The following GALNT17 variants were observed in gnomAD, a reference collection of about 807,000 sequenced individuals.
GALNT17 encodes polypeptide N-acetylgalactosaminyltransferase 17, also known as UDP-GalNAc:polypeptide N-acetylgalactosaminyltransferase-like 3.
A neutral mutation model predicts 63.7 loss-of-function variants in GALNT17; 29 were observed. That is an observed-to-expected ratio of 0.46 (90% CI 0.34 to 0.62). The LOEUF is 0.62. Among genes scored for constraint, GALNT17 ranks in the 20% least tolerant of loss-of-function variants. The pLI, the probability that GALNT17 is intolerant of heterozygous loss-of-function variation, is 0.01. For synonymous variants in GALNT17, 305 were observed against 318.3 expected (o/e 0.96, Z 0.45); for missense variants, 603 against 799.6 (o/e 0.75, Z 2.97).
chr7:71,637,483 C>T (rs796596353), intron 6 of GALNT17, among the ~76,000 whole-genome samples: 128 of 142,060 alleles, frequency 9.0e-4, no homozygotes, highest in African/African-American at 3.3e-3. Flanking sequence ...GCCACCGCAC[C>T]TGGCCATTTT....
At position 71,650,909 on chromosome 7, in the gene GALNT17, C is replaced by G. The variant is rs369355871; in HGVS notation, c.1081-14502C>G. On this transcript the variant is annotated intron_variant, in intron 6 of 10. Transcript: ENST00000333538. ...ATGAGCCTGGCAGTGACATCCATGT[C>G]TAAATTATCTTTATACCCCTGGCAG... 2.6e-5 allele frequency among the ~76,000 whole-genome samples: 4 copies of G among 152,250 alleles called. No homozygotes were observed. In the East Asian group the frequency reaches 5.8e-4, roughly 22 times the overall value.
chr7:71,398,853 T>C (rs376973391), intron 3 of GALNT17, among the ~76,000 whole-genome samples: 1 of 152,208 alleles, frequency 6.6e-6, no homozygotes, highest in East Asian at 1.9e-4. Flanking sequence ...ATTTTATCAG[T>C]TTTTAAAAAG....
chr7:71,170,607 A>G (rs948348856), intron 1 of GALNT17, among the ~76,000 whole-genome samples: 1 of 152,158 alleles, frequency 6.6e-6, no homozygotes, highest in African/African-American at 2.4e-5. Context: ...AAGTGCTGGG[A>G]TTACAGGCAT....
At chr7:71,509,114 A>T (rs908114628) in intron 5 of GALNT17, among the ~76,000 whole-genome samples, 1 of 152,210 alleles carries the variant, frequency 6.6e-6, no homozygotes, top group African/African-American at 2.4e-5. Flanking sequence ...CATTCAGTAG[A>T]ATCCGTACTT....
intron 5 of GALNT17, among the ~76,000 whole-genome samples, chr7:71,446,933 G>C (rs1328781642): frequency 6.6e-6 from 1 of 152,138 alleles, no homozygotes; most frequent in African/African-American, 2.4e-5. Context: ...TGAGATGTGG[G>C]CATTACTTCT....
In GALNT17 at chr7:71,420,959, C is replaced by T. The variant is rs756339180; in HGVS notation, c.816C>T (p.Leu272=). ...RIQENRKRVI[L]PSIDNIKQDN... ...AGGAAAACCGGAAGCGTGTGATCCT[C>T]CCCTCCATTGACAACATCAAACAGG... The change falls in exon 5 of 11, where the codon CTC becomes CTT. Residue 272 remains leucine, a synonymous_variant. Coordinates refer to ENST00000333538, the MANE Select transcript of GALNT17 (RefSeq NM_022479.3). 2.5e-6 allele frequency: 4 copies of T among 1,614,146 alleles called. No homozygotes were observed. In the South Asian group the frequency reaches 4.4e-5, roughly 18 times the overall value.
At chr7:71,471,423 A>C (rs958023903) in intron 5 of GALNT17, among the ~76,000 whole-genome samples, 5 of 124,226 alleles carry the variant, frequency 4.0e-5, no homozygotes, top group Admixed American at 8.3e-5. Flanking sequence ...AACAAAAAAA[A>C]CCAAAAACCA....
At chr7:71,568,950 C>T (rs1019751924) in intron 5 of GALNT17, among the ~76,000 whole-genome samples, 1 of 152,076 alleles carries the variant, frequency 6.6e-6, no homozygotes, top group Non-Finnish European at 1.5e-5. Context: ...GGTATTGTCT[C>T]ACATGATTTA....
chr7:71,307,391 C>G (rs77067675), intron 1 of GALNT17, among the ~76,000 whole-genome samples: 7,183 of 151,972 alleles, frequency 0.047, 325 homozygotes, highest in East Asian at 0.12. Context: ...ACGTTTTACC[C>G]TGCTGGGTAT....
chr7:71,621,504 T>TGGATGGAA (rs1790290107), intron 6 of GALNT17, among the ~76,000 whole-genome samples: 1 of 98,752 alleles, frequency 1.0e-5, no homozygotes, highest in East Asian at 3.0e-4. Flanking sequence ...GATGGATAGA[T>TGGATGGAA]GGATGGATGG....
At chr7:71,665,649 T>G in intron 7 of GALNT17, 53 bp downstream of exon 7, 1 of 1,541,016 alleles carries the variant, frequency 6.5e-7, no homozygotes, top group Non-Finnish European at 8.7e-7. Context: ...CCTTACTGTT[T>G]GATCACTATT....
At chr7:71,232,368 G>T (rs1222622134) in intron 1 of GALNT17, among the ~76,000 whole-genome samples, 2 of 152,098 alleles carry the variant, frequency 1.3e-5, no homozygotes, top group Non-Finnish European at 2.9e-5. Context: ...CAGTGGGGGT[G>T]GTGCAGCCTT....
intron 9 of GALNT17, among the ~76,000 whole-genome samples, chr7:71,702,989 C>A (rs1170829819): frequency 6.6e-6 from 1 of 152,042 alleles, no homozygotes; most frequent in Non-Finnish European, 1.5e-5. Context: ...AGTGGTATGT[C>A]AAGTAGGGAG....
chr7:71,321,943 C>CCCTCCCTCCCTCCCTCCCTT (rs1554353238), intron 1 of GALNT17, among the ~76,000 whole-genome samples: 2 of 47,636 alleles, frequency 4.2e-5, no homozygotes, highest in Non-Finnish European at 8.2e-5. Context: ...CTCCCTCCCT[C>CCCTCCCTCCCTCCCTCCCTT]CCTTCCTTCC....
chr7:71,349,649 A>C (rs559224252), intron 2 of GALNT17, among the ~76,000 whole-genome samples: 3 of 147,374 alleles, frequency 2.0e-5, no homozygotes, highest in Admixed American at 6.8e-5. Context: ...TGAATAAATA[A>C]ATACGAAATT....
At chr7:71,350,202 C>A (rs17464549) in intron 2 of GALNT17, among the ~76,000 whole-genome samples, 2,168 of 152,112 alleles carry the variant, frequency 0.014, 27 homozygotes, top group Middle Eastern at 0.027. Flanking sequence ...TGTAGAAAGC[C>A]ATGCACAGGT....
chr7:71,514,104 A>T lies in GALNT17; in HGVS notation c.963-57181A>T, dbSNP rs1337001886. ...TAGCAATTCAGGAGGCTGAAGCAGG[A>T]GGATTGCTTGAGCCCAGGAGGTCAA... On this transcript the variant is annotated intron_variant, in intron 5 of 10. Transcript: ENST00000333538. Among the ~76,000 whole-genome samples the T allele has an allele frequency of 3.3e-5, 5 of 152,200 alleles. No homozygotes were observed. The East Asian group carries it at 9.6e-4, about 29-fold the overall frequency.
At chr7:71,288,645 G>T (rs1161119339) in intron 1 of GALNT17, among the ~76,000 whole-genome samples, 1 of 152,154 alleles carries the variant, frequency 6.6e-6, no homozygotes, top group Non-Finnish European at 1.5e-5. Context: ...CAATGTCAGT[G>T]CAGTGACCTT....
At chr7:71,372,585 G>A (rs928071699) in intron 2 of GALNT17, among the ~76,000 whole-genome samples, 4 of 152,134 alleles carry the variant, frequency 2.6e-5, no homozygotes, top group African/African-American at 9.7e-5. Context: ...CCTAGTAGCT[G>A]GGACTACAGG....
Sources: allele counts gnomAD v4.1 joint callset (sites outside exome capture counted in the v4.1 genomes callset), GRCh38; gene constraint gnomAD v4.1.1; transcripts MANE v1.5; gene names NCBI Gene and HGNC (gene_info 2026-07-23, HGNC 2026-07-21).